PRKCE: variants seen among roughly 807,000 people sequenced by gnomAD.
PRKCE encodes protein kinase C epsilon type.
PRKCE carries 16 observed loss-of-function variants against 85.4 expected under a neutral mutation model. The ratio of observed to expected loss-of-function variants is 0.19; its 90% confidence interval spans 0.13 to 0.28. PRKCE has a LOEUF of 0.28. PRKCE is among the 10% of genes least tolerant of loss of function. The pLI is 1.00. For synonymous variants in PRKCE, 388 were observed against 371.5 expected (o/e 1.04, Z -0.51); for missense variants, 573 against 975.2 (o/e 0.59, Z 5.49).
chr2:46,060,312 C>G (rs1666981441), intron 10 of PRKCE, among the ~76,000 whole-genome samples: 1 of 132,600 alleles, frequency 7.5e-6, no homozygotes, highest in South Asian at 2.3e-4. Context: ...TACGTCAGGT[C>G]AGACAGCCCT....
At chr2:45,941,631 A>C (rs1043746391) in intron 2 of PRKCE, among the ~76,000 whole-genome samples, 1 of 152,176 alleles carries the variant, frequency 6.6e-6, no homozygotes, top group Non-Finnish European at 1.5e-5. Context: ...CAGTCAGCAC[A>C]ATTCCATCTG....
At chr2:45,986,328 G>C (rs919655768) in intron 6 of PRKCE, among the ~76,000 whole-genome samples, 1 of 152,196 alleles carries the variant, frequency 6.6e-6, no homozygotes, top group Admixed American at 6.5e-5. Flanking sequence ...TGTTTTTTCA[G>C]AATGTTTTAG....
intron 10 of PRKCE, among the ~76,000 whole-genome samples, chr2:46,049,741 AG>A (rs1708741095): frequency 6.6e-6 from 1 of 152,208 alleles, no homozygotes; most frequent in Non-Finnish European, 1.5e-5. Context: ...AGCCTGCCTC[AG>A]TTTCCCATCA....
At chr2:45,889,452 T>C (rs1395755073) in intron 2 of PRKCE, among the ~76,000 whole-genome samples, 1 of 152,218 alleles carries the variant, frequency 6.6e-6, no homozygotes, top group Non-Finnish European at 1.5e-5. Flanking sequence ...CCCACTGATT[T>C]TGATTTTCTA....
Position 46,138,858 on chromosome 2 carries a change from T to C in PRKCE, c.1593-6235T>C, listed in dbSNP as rs1411428886. 6.6e-6 allele frequency among the ~76,000 whole-genome samples: 1 copy of C among 152,076 alleles called. No individual in the cohort carries two copies. The highest frequency in any genetic ancestry group is 1.5e-5 in the Non-Finnish European group (1 of 68,018). On this transcript the variant is annotated intron_variant, in intron 11 of 14. Coordinates refer to ENST00000306156, the MANE Select transcript of PRKCE (RefSeq NM_005400.3). The surrounding 1 kb of genome is among the most constrained non-coding windows in gnomAD (Gnocchi z 4.2). The stretch of plus-strand genomic sequence containing the variant: ...CAACACAGGATTATCCAGTCCCAAA[T>C]GTCAATCTCGTCCCAGCATGCCAAG...
At chr2:45,769,859 A>G (rs112941100) in intron 1 of PRKCE, among the ~76,000 whole-genome samples, 288 of 152,368 alleles carry the variant, frequency 1.9e-3, no homozygotes, top group African/African-American at 6.3e-3. Context: ...TTAAAACAGT[A>G]GGAGGTGTGA....
intron 1 of PRKCE, among the ~76,000 whole-genome samples, chr2:45,719,420 G>A (rs937730476): frequency 1.1e-4 from 17 of 152,290 alleles, no homozygotes; most frequent in African/African-American, 1.7e-4. Flanking sequence ...GGAGGCCCAC[G>A]TGCTGACATC....
chr2:45,891,469 T>C (rs1399960864), intron 2 of PRKCE, among the ~76,000 whole-genome samples: 1 of 152,204 alleles, frequency 6.6e-6, no homozygotes, highest in Non-Finnish European at 1.5e-5. Flanking sequence ...TGGCTATCAC[T>C]ACTGAATGCC....
chr2:45,885,515 C>G (rs1335558290), intron 2 of PRKCE, among the ~76,000 whole-genome samples: 5 of 152,132 alleles, frequency 3.3e-5, no homozygotes, highest in African/African-American at 4.8e-5. Context: ...ACATGTCTTC[C>G]TATACAAAAC....
intron 1 of PRKCE, among the ~76,000 whole-genome samples, chr2:45,684,188 A>C (rs563928291): frequency 6.6e-6 from 1 of 152,276 alleles, no homozygotes; most frequent in Admixed American, 6.5e-5. Flanking sequence ...GGAGCTTCTG[A>C]AGTTGGCCAT....
intron 2 of PRKCE, among the ~76,000 whole-genome samples, chr2:45,902,991 G>T (rs1696685429): frequency 6.6e-6 from 1 of 152,214 alleles, no homozygotes; most frequent in Non-Finnish European, 1.5e-5. Context: ...TTATTTGATT[G>T]TGGAATTATG....
At chr2:45,719,296 AT>A (rs1680413831) in intron 1 of PRKCE, among the ~76,000 whole-genome samples, 1 of 152,244 alleles carries the variant, frequency 6.6e-6, no homozygotes, top group East Asian at 1.9e-4. Flanking sequence ...ATCTAAAGTG[AT>A]TGCTTTTGCT....
At chr2:45,798,741 A>T (rs1357522013) in intron 1 of PRKCE, among the ~76,000 whole-genome samples, 1 of 147,898 alleles carries the variant, frequency 6.8e-6, no homozygotes, top group East Asian at 2.0e-4. Context: ...TTCAAAGTGT[A>T]TATGGGCCAT....
intron 10 of PRKCE, among the ~76,000 whole-genome samples, chr2:46,017,901 C>T (rs965277502): frequency 3.9e-5 from 6 of 152,198 alleles, no homozygotes. Flanking sequence ...TCCCAACAGT[C>T]TTTGTTGTTC....
chr2:46,075,251 C>T (rs1288256845), intron 10 of PRKCE, among the ~76,000 whole-genome samples: 1 of 151,866 alleles, frequency 6.6e-6, no homozygotes, highest in Non-Finnish European at 1.5e-5. Flanking sequence ...CCGTATTAGC[C>T]AGGATGGTCT....
chr2:45,857,936 C>T (rs763290559), intron 2 of PRKCE, among the ~76,000 whole-genome samples: 1 of 152,198 alleles, frequency 6.6e-6, no homozygotes, highest in Non-Finnish European at 1.5e-5. Context: ...AATGGCAAAG[C>T]TGTGGAGGTG....
chr2:45,673,269 A>G (rs1275488016), intron 1 of PRKCE, among the ~76,000 whole-genome samples: 1 of 152,242 alleles, frequency 6.6e-6, no homozygotes, highest in Non-Finnish European at 1.5e-5. Context: ...TCCAAACAAT[A>G]TAAGAAGTGA....
chr2:46,158,560 G>T (rs546406207), intron 13 of PRKCE, among the ~76,000 whole-genome samples: 1 of 152,276 alleles, frequency 6.6e-6, no homozygotes, highest in Admixed American at 6.5e-5. Context: ...CAGGTGCTTT[G>T]GTTCCAAGGG....
At chr2:45,936,465 A>G (rs1018414901) in intron 2 of PRKCE, among the ~76,000 whole-genome samples, 2 of 152,178 alleles carry the variant, frequency 1.3e-5, no homozygotes, top group South Asian at 4.1e-4. Context: ...GCAAGGAGTC[A>G]TCCAGTAGCG....
Sources: allele counts gnomAD v4.1 joint callset (sites outside exome capture counted in the v4.1 genomes callset), GRCh38; gene constraint gnomAD v4.1.1; non-coding constraint Gnocchi (gnomAD v3.1); transcripts MANE v1.5; gene names NCBI Gene and HGNC (gene_info 2026-07-23, HGNC 2026-07-21).